HEATR4: variants seen among roughly 807,000 people sequenced by gnomAD.
HEATR4 encodes HEAT repeat containing 4.
HEATR4 carries 95 observed loss-of-function variants against 108.8 expected under a neutral mutation model. The ratio of observed to expected loss-of-function variants is 0.87; its 90% CI spans 0.74 to 1.04. The LOEUF (loss-of-function observed/expected upper bound fraction) is 1.04, where lower values mean the gene tolerates loss of function less well. HEATR4 is among the 50% of genes least tolerant of loss of function. HEATR4 has a pLI of 0.00. For synonymous variants in HEATR4, 443 were observed against 459.4 expected (o/e 0.96, Z 0.46); for missense variants, 1,152 against 1,253.8 (o/e 0.92, Z 1.23).
At chr14:73,580,224 G>C in the HEATR4 span, among the ~76,000 whole-genome samples, 1 of 152,070 alleles carries the variant, frequency 6.6e-6, no homozygotes, top group East Asian at 1.9e-4. Flanking sequence ...ACTCCTGGGG[G>C]CTCAACCCAT....
In HEATR4 at chr14:73,541,790, A is replaced by T; in HGVS notation, c.-151-11546T>A. On this transcript the variant is annotated intron_variant, in intron 1 of 17. Transcript: ENST00000553558. Reference sequence around the variant, plus strand: ...AGAAGTTAGCTCATTCATGACAGCCATTCCCTACCCCAACACACACTACCT... The same window carrying T: ...AGAAGTTAGCTCATTCATGACAGCCTTTCCCTACCCCAACACACACTACCT... The T allele has an allele frequency of 2.4e-6, 2 of 817,590 alleles. 1 individual carries two copies. The highest frequency in any genetic ancestry group is 3.6e-6 in the Non-Finnish European group (2 of 552,096). 50.6% of individuals were successfully genotyped at this position (817,590 alleles called of 1,614,324 possible).
At chr14:73,513,132 C>T (rs1464639842) in intron 6 of HEATR4, among the ~76,000 whole-genome samples, 1 of 152,230 alleles carries the variant, frequency 6.6e-6, no homozygotes, top group Non-Finnish European at 1.5e-5. Context: ...TCCCTTCATA[C>T]ATCATTTGCT....
chr14:73,482,231 C>T (rs1489428524), intron 17 of HEATR4, among the ~76,000 whole-genome samples: 2 of 151,470 alleles, frequency 1.3e-5, no homozygotes, highest in South Asian at 4.2e-4. Flanking sequence ...ACTAAAAATA[C>T]AAAAATTAGG....
At chr14:73,525,863 G>T (rs1488761635) in intron 2 of HEATR4, among the ~76,000 whole-genome samples, 3 of 151,594 alleles carry the variant, frequency 2.0e-5, no homozygotes, top group Admixed American at 6.6e-5. Flanking sequence ...TGAGGCAGAA[G>T]AATTGCTTGA....
intron 2 of HEATR4, chr14:73,527,127 T>A (rs894484659): frequency 6.6e-6 from 1 of 152,196 alleles, no homozygotes; most frequent in Non-Finnish European, 1.5e-5. Flanking sequence ...ACCGTAGGCT[T>A]AAGTCACAGC....
intron 14 of HEATR4, 25 bp from the exon 15 acceptor site, chr14:73,496,704 G>T: frequency 2.4e-6 from 3 of 1,263,166 alleles, no homozygotes; most frequent in South Asian, 1.2e-5. Context: ...GGGCTTCTTA[G>T]ATTATTCTAC....
chr14:73,496,544 G>T, intron 15 of HEATR4, 57 bp downstream of exon 15: 2 of 1,053,460 alleles, frequency 1.9e-6, no homozygotes, highest in Non-Finnish European at 3.0e-6. Flanking sequence ...GACAGGGTCT[G>T]AGGAACTCTT....
rs1470661393 is a variant in HEATR4, at chr14:73,495,234, A to C, written c.2779T>G (p.Phe927Val). ...TCACCCCTAGGAAACCTACCCTGAA[A>C]AGTTTCTTGGAGTAAAGTCTGGAGT... is the stretch of plus-strand genomic sequence containing the variant. ...LTLQTLLQET[F>V]QDEMVLPRRP... Residue 927 changes from phenylalanine (F) to valine (V), a missense_variant, in exon 16 of 18, where the codon TTT (phenylalanine) becomes GTT (valine). By Grantham distance (50) the Phe-to-Val change is conservative. Transcript: ENST00000553558. The C allele has an allele frequency of 6.2e-7, 1 of 1,613,098 alleles. No homozygotes were observed. The highest frequency in any genetic ancestry group is 2.2e-5 in the East Asian group (1 of 44,838).
At chr14:73,533,437 G>C (rs182009061) in intron 1 of HEATR4, among the ~76,000 whole-genome samples, 2 of 115,634 alleles carry the variant, frequency 1.7e-5, no homozygotes, top group African/African-American at 5.6e-5. Flanking sequence ...CCAGCACTTT[G>C]GGAGGCCGAG....
the HEATR4 span, among the ~76,000 whole-genome samples, chr14:73,610,090 G>T: frequency 0.39 from 58,452 of 151,496 alleles, 11,975 homozygotes; most frequent in East Asian, 0.64. Flanking sequence ...CAGGCCTACT[G>T]GTTGCAGTCA....
chr14:73,478,939 C>CTTT, intron 17 of HEATR4, 97 bp from the exon 18 acceptor site: 5 of 675,334 alleles, frequency 7.4e-6, no homozygotes, highest in Non-Finnish European at 1.2e-5. Flanking sequence ...AGGGTGTCTC[C>CTTT]TTTTTTTTTT....
chr14:73,613,645 T>C, the HEATR4 span, among the ~76,000 whole-genome samples: 3 of 152,202 alleles, frequency 2.0e-5, no homozygotes, highest in African/African-American at 7.2e-5. Flanking sequence ...GAGACATTTG[T>C]GGTTGTCATA....
chr14:73,506,705 C>T, intron 9 of HEATR4, 134 bp from the exon 10 acceptor site: 1 of 562,358 alleles, frequency 1.8e-6, no homozygotes, highest in South Asian at 2.5e-5. Flanking sequence ...GGCATGTTTC[C>T]ATCACAGCCA....
At chr14:73,606,764 C>T in the HEATR4 span, among the ~76,000 whole-genome samples, 3 of 152,074 alleles carry the variant, frequency 2.0e-5, no homozygotes, top group African/African-American at 7.2e-5. Flanking sequence ...TCCCTGAGCC[C>T]GGAATTGAAC....
rs202242779 is a variant in HEATR4 at position 73,556,005 on chromosome 14, CA to C, written c.-152+2745del. Among the ~76,000 whole-genome samples, 103 of 111,330 alleles carry C rather than the reference CA, an allele frequency of 9.3e-4. 3 individuals are homozygous for C. The highest frequency in any genetic ancestry group is 2.5e-3 in the African/African-American group (87 of 34,746). 73.0% of individuals were successfully genotyped at this position (111,330 alleles called of 152,430 possible). ...GGATAACAAGAGCAAAACTCTATCT[CA>C]AAAAAAAAGGAGTGATTTAGGGTGT... On this transcript the variant is annotated intron_variant, in intron 1 of 17. Coordinates refer to ENST00000553558, the MANE Select transcript of HEATR4 (RefSeq NM_001220484.1).
chr14:73,569,997 T>G, the HEATR4 span: 2 of 1,427,346 alleles, frequency 1.4e-6, no homozygotes, highest in African/African-American at 2.9e-5. Flanking sequence ...CCGGGCTATA[T>G]TGCCCAGGCA....
chr14:73,616,997 G>C, the HEATR4 span: 20 of 691,272 alleles, frequency 2.9e-5, no homozygotes, highest in Admixed American at 3.4e-4. Flanking sequence ...CAGGCAGGGG[G>C]CCCTTTCCTG....
chr14:73,570,679 C>T, the HEATR4 span, among the ~76,000 whole-genome samples: 5 of 152,066 alleles, frequency 3.3e-5, no homozygotes, highest in East Asian at 1.9e-4. Flanking sequence ...CCGAGGCCGG[C>T]GGATCACCTG....
chr14:73,629,868 G>T, the HEATR4 span, among the ~76,000 whole-genome samples: 8 of 151,500 alleles, frequency 5.3e-5, no homozygotes, highest in Non-Finnish European at 1.2e-4. Flanking sequence ...AGGATGGTTT[G>T]GATCTCCTGA....
Sources: gnomAD v4.1 joint callset for allele counts (sites outside exome capture counted in the v4.1 genomes callset) on GRCh38, gnomAD v4.1.1 for gene constraint, MANE v1.5 for transcripts, NCBI Gene and HGNC (gene_info 2026-07-23, HGNC 2026-07-21) for gene names.